Variants in TRPM6 observed in about 807,000 individuals in gnomAD.
TRPM6 encodes the protein channel kinase 2.
TRPM6 carries 111 observed loss-of-function variants against 247.6 expected under a neutral mutation model. The observed-to-expected ratio is 0.45, with a 90% CI of 0.38 to 0.52. The LOEUF (loss-of-function observed/expected upper bound fraction) is 0.52, where lower values mean the gene tolerates loss of function less well. TRPM6 is among the 20% of genes least tolerant of loss of function. The pLI is 0.00. For missense variants in TRPM6, 2,126 were observed against 2,421.5 expected (o/e 0.88, Z 2.56); for synonymous variants, 892 against 853.8 (o/e 1.04, Z -0.78).
At chr9:74,792,474 C>G (rs980000617) in intron 19 of TRPM6, 150 bp downstream of exon 19, 11 of 824,124 alleles carry the variant, frequency 1.3e-5, no homozygotes, top group Non-Finnish European at 2.2e-5. Flanking sequence ...TCCTCCAGTC[C>G]TCTTTGCTAC....
chr9:74,748,419 G>A (rs1259604362), intron 30 of TRPM6, among the ~76,000 whole-genome samples: 2 of 152,152 alleles, frequency 1.3e-5, no homozygotes, highest in Non-Finnish European at 2.9e-5. Flanking sequence ...AGGTCATTCA[G>A]GAGGTATCCA....
chr9:74,783,735 G>A (rs1482182722), intron 21 of TRPM6, among the ~76,000 whole-genome samples: 1 of 152,166 alleles, frequency 6.6e-6, no homozygotes. Context: ...ACCAAGACAA[G>A]AGAAAACATT....
At chr9:74,804,878 A>C in intron 14 of TRPM6, 1 of 387,130 alleles carries the variant, frequency 2.6e-6, no homozygotes, top group Non-Finnish European at 4.6e-6. Flanking sequence ...ATCCCAAAAT[A>C]TGCACATAGC....
At chr9:74,735,271 G>A (rs1177577350) in intron 36 of TRPM6, among the ~76,000 whole-genome samples, 2 of 151,916 alleles carry the variant, frequency 1.3e-5, no homozygotes, top group African/African-American at 2.4e-5. Context: ...GAGAGCAGAG[G>A]AGAGGGAAAA....
At chr9:74,783,119 G>A (rs1386195501) in intron 21 of TRPM6, among the ~76,000 whole-genome samples, 1 of 151,984 alleles carries the variant, frequency 6.6e-6, no homozygotes, top group African/African-American at 2.4e-5. Flanking sequence ...AAGCAGTAAT[G>A]AATTGTGAAC....
Position 74,800,410 on chromosome 9 carries a change from C to T in TRPM6, c.2082G>A (p.Leu694=), listed in dbSNP as rs570964806. The change falls in exon 17 of 39, where the codon CTG becomes CTA. Residue 694 remains leucine, a synonymous_variant. Coordinates refer to ENST00000360774, the MANE Select transcript of TRPM6 (RefSeq NM_017662.5). ...TCCAGTTCCTGAGTTCATACGTCAA[C>T]AGCGTCATGGCCATGCGCTCATTCT... is the stretch of plus-strand genomic sequence containing the variant. ...FKQNERMAMT[L]LTYELRNWSN... is the part of the protein sequence containing the mutation. The T allele has an allele frequency of 5.0e-6, 8 of 1,614,046 alleles. No individual in the cohort carries two copies. In the East Asian group the frequency reaches 1.6e-4, roughly 31 times the overall value.
chr9:74,725,465 G>A (rs1461963187), intron 38 of TRPM6, among the ~76,000 whole-genome samples: 1 of 152,050 alleles, frequency 6.6e-6, no homozygotes, highest in Non-Finnish European at 1.5e-5. Context: ...CATGTAAATT[G>A]ATATGGTTTG....
chr9:74,830,956 G>A (rs1230825562), intron 6 of TRPM6, among the ~76,000 whole-genome samples: 1 of 151,776 alleles, frequency 6.6e-6, no homozygotes, highest in African/African-American at 2.4e-5. Flanking sequence ...ATTTTAAACG[G>A]TTATACAGAC....
chr9:74,850,447 C>T (rs1830262849), intron 3 of TRPM6, among the ~76,000 whole-genome samples: 1 of 151,930 alleles, frequency 6.6e-6, no homozygotes, highest in South Asian at 2.1e-4. Context: ...AGGCCGGGCG[C>T]GGTGGCTCAC....
intron 9 of TRPM6, 138 bp downstream of exon 9, chr9:74,820,166 C>T (rs1432827809): frequency 3.2e-6 from 3 of 939,336 alleles, no homozygotes; most frequent in East Asian, 2.6e-5. Context: ...TCCCTCCCCC[C>T]TCCACCCTGA....
At chr9:74,773,230 T>G (rs1827111030) in intron 24 of TRPM6, among the ~76,000 whole-genome samples, 1 of 152,258 alleles carries the variant, frequency 6.6e-6, no homozygotes, top group Non-Finnish European at 1.5e-5. Flanking sequence ...AATCAACCTG[T>G]CTTCCAACTC....
Position 74,728,369 on chromosome 9 carries a change from A to T in TRPM6, c.5829-24T>A, listed in dbSNP as rs750195867. ...ATCTAGAGGAAATATCAGAATATCA[A>T]TTAGATCACAGCTAAGAAAAAGGAG... On this transcript the variant is annotated intron_variant, in intron 37 of 38. Coordinates refer to ENST00000360774, the MANE Select transcript of TRPM6 (RefSeq NM_017662.5). 4 of 1,498,912 alleles carry T rather than the reference A, an allele frequency of 2.7e-6. No individual in the cohort carries two copies. The African/African-American group carries it at 4.1e-5, about 15-fold the overall frequency. The allele number at this position is 1,498,912 out of a possible 1,614,324, so 92.9% of individuals were successfully genotyped here.
Position 74,851,760 on chromosome 9 carries a change from A to AT in TRPM6, c.152+3766_152+3767insA, listed in dbSNP as rs1244634400. 3.5e-3 allele frequency among the ~76,000 whole-genome samples: 371 copies of AT among 106,872 alleles called. 3 individuals are homozygous for AT. The highest frequency in any genetic ancestry group is 3.8e-3 in the Non-Finnish European group (171 of 45,002). The allele number at this position is 106,872 out of a possible 152,430, so 70.1% of individuals were successfully genotyped here. On this transcript the variant is annotated intron_variant, in intron 3 of 38. Coordinates refer to ENST00000360774, the MANE Select transcript of TRPM6 (RefSeq NM_017662.5). ...CTAGACTTTGTCTCAAAAAAAAAAA[A>AT]AAAATATATATATATAATACATATA...
chr9:74,732,151 G>T (rs187619454), intron 37 of TRPM6, among the ~76,000 whole-genome samples: 206 of 152,278 alleles, frequency 1.4e-3, no homozygotes, highest in African/African-American at 4.7e-3. Flanking sequence ...TCTCTCTATA[G>T]AATTTAAACT....
At chr9:74,855,626 C>A (rs1196092532) in intron 2 of TRPM6, 61 bp from the exon 3 acceptor site, 1 of 1,024,814 alleles carries the variant, frequency 9.8e-7, no homozygotes, top group Admixed American at 1.7e-5. Flanking sequence ...ACATTTAATG[C>A]TTGTACAGTA....
chr9:74,738,624 A>G lies in TRPM6; in HGVS notation c.5571-12T>C, dbSNP rs1162340475. Reference sequence around the variant, plus strand: ...AAACTTCCAGGAACCTGTTAGGGAAAAAGAGGCCATTGATCCCCCACAATA... The same window carrying G: ...AAACTTCCAGGAACCTGTTAGGGAAGAAGAGGCCATTGATCCCCCACAATA... On this transcript the variant is annotated splice_polypyrimidine_tract_variant and intron_variant, in intron 35 of 38. Coordinates refer to ENST00000360774, the MANE Select transcript of TRPM6 (RefSeq NM_017662.5). 6.2e-7 allele frequency: 1 copy of G among 1,613,404 alleles called. No homozygotes were observed. The highest frequency in any genetic ancestry group is 1.7e-5 in the Admixed American group (1 of 59,992).
chr9:74,771,421 G>T (rs986432380), intron 25 of TRPM6, among the ~76,000 whole-genome samples: 5 of 150,860 alleles, frequency 3.3e-5, no homozygotes, highest in African/African-American at 1.2e-4. Context: ...ACACACATGC[G>T]CACACACACA....
intron 14 of TRPM6, among the ~76,000 whole-genome samples, chr9:74,806,528 T>A (rs1464459248): frequency 1.3e-5 from 2 of 152,226 alleles, no homozygotes; most frequent in South Asian, 4.1e-4. Flanking sequence ...AACACCCAAA[T>A]TATTATTACT....
Position 74,730,197 on chromosome 9 carries a change from G to A in TRPM6, c.5829-1852C>T, listed in dbSNP as rs1381946826. Among the ~76,000 whole-genome samples the A allele has an allele frequency of 2.6e-5, 4 of 152,138 alleles. No individual in the cohort carries two copies. The East Asian group carries it at 5.8e-4, about 22-fold the overall frequency. Reference sequence around the variant, plus strand: ...AGCTTGGTTCCACATGCGAGGAAACGCTAATTAGTGCCATCTATACATAGA... The same window carrying A: ...AGCTTGGTTCCACATGCGAGGAAACACTAATTAGTGCCATCTATACATAGA... On this transcript the variant is annotated intron_variant, in intron 37 of 38. Coordinates refer to ENST00000360774, the MANE Select transcript of TRPM6 (RefSeq NM_017662.5).
Sources: gnomAD v4.1 joint callset for allele counts (sites outside exome capture counted in the v4.1 genomes callset) on GRCh38, gnomAD v4.1.1 for gene constraint, MANE v1.5 for transcripts, NCBI Gene and HGNC (gene_info 2026-07-23, HGNC 2026-07-21) for gene names.